ELP6: variants seen among roughly 807,000 people sequenced by gnomAD.
ELP6 encodes elongator acetyltransferase complex subunit 6.
In ELP6, 23 loss-of-function variants were observed where a neutral mutation model predicts 28.1. That is an observed-to-expected ratio of 0.82 (90% CI 0.59 to 1.16). The LOEUF is 1.16. Among genes scored for constraint, ELP6 ranks in the 50% most tolerant of loss-of-function variants. ELP6 has a pLI of 0.00. For synonymous variants in ELP6, 132 were observed against 135.8 expected, an observed-to-expected ratio of 0.97 and a Z score of 0.19; for missense variants, 313 against 334.6, an observed-to-expected ratio of 0.94 and a Z score of 0.50.
intron 3 of ELP6, among the ~76,000 whole-genome samples, chr3:47,504,998 G>A (rs1177827539): frequency 6.6e-6 from 1 of 152,114 alleles, no homozygotes; most frequent in Non-Finnish European, 1.5e-5. Context: ...CAGGCTTGGT[G>A]GCTCACGCCT....
At chr3:47,511,976 C>T (rs2108142460) in intron 1 of ELP6, 1 of 984,252 alleles carries the variant, frequency 1.0e-6, no homozygotes, top group Non-Finnish European at 1.2e-6. Flanking sequence ...ATCGTCAGAC[C>T]TTCAGTGTTA....
At chr3:47,503,655 C>T (rs1213908454) in intron 4 of ELP6, among the ~76,000 whole-genome samples, 1 of 152,062 alleles carries the variant, frequency 6.6e-6, no homozygotes, top group Admixed American at 6.6e-5. Context: ...GTAATCCCAG[C>T]ACTTTGGGAG....
rs1015596117 is a variant in ELP6, at chr3:47,495,809, C to A, written c.*260G>T. 8.0e-5 allele frequency: 36 copies of A among 452,392 alleles called. No individual in the cohort carries two copies. Among genetic ancestry groups the A allele is most frequent in the African/African-American group, 7.4e-4 (36 of 48,604 alleles). 28.0% of individuals were successfully genotyped at this position (452,392 alleles called of 1,614,324 possible). A position where few individuals can be genotyped will look rare whatever the true frequency, so the allele number is the denominator to read the frequency against. On this transcript the variant is annotated 3_prime_UTR_variant, in exon 7 of 7. Transcript: ENST00000296149. ...GCTAAGGCATATTTAAACAAAGGCT[C>A]CAAAGGACCCCTTTCACTTGGGTCT...
chr3:47,498,951 G>A (rs1353386347), intron 5 of ELP6, among the ~76,000 whole-genome samples: 2 of 152,234 alleles, frequency 1.3e-5, no homozygotes, highest in Non-Finnish European at 2.9e-5. Context: ...GTCAGGAGGT[G>A]AGCTCATGTG....
intron 6 of ELP6, chr3:47,496,703 C>T (rs1164083740): frequency 1.2e-6 from 1 of 832,124 alleles, no homozygotes; most frequent in Non-Finnish European, 1.4e-6. Flanking sequence ...CTATGTTGGC[C>T]AGGCTGGTCT....
chr3:47,510,072 A>T, intron 3 of ELP6, 112 bp downstream of exon 3: 1 of 863,846 alleles, frequency 1.2e-6, no homozygotes, highest in Non-Finnish European at 1.9e-6. Flanking sequence ...ATATTTCTTT[A>T]GTCCCTCTTT....
At position 47,504,428 on chromosome 3, in the gene ELP6, C is replaced by T. The variant is rs376336567; in HGVS notation, c.225G>A (p.Ala75=). Residue 75 remains alanine (A), a synonymous_variant, in exon 4 of 7, where the codon GCG becomes GCA. Transcript: ENST00000296149. ...GGAACACAAGCTGCCCACGCTCCCGCGCCATGGTCAGGCTGACACCCTAAA... is the reference window on the plus strand; with the variant it reads ...GGAACACAAGCTGCCCACGCTCCCGTGCCATGGTCAGGCTGACACCCTAAA... ...GQKLGVSLTM[A]RERGQLVFLE... The T allele has an allele frequency of 2.3e-5, 37 of 1,607,390 alleles. No individual in the cohort carries two copies. The highest frequency in any genetic ancestry group is 2.7e-5 in the Non-Finnish European group (32 of 1,176,334).
chr3:47,512,839 G>A, intron 1 of ELP6: 1 of 976,074 alleles, frequency 1.0e-6, no homozygotes, highest in Non-Finnish European at 1.2e-6. Context: ...CCATGAAGAC[G>A]GCGGCGAAAC....
chr3:47,511,302 G>T, intron 1 of ELP6, 76 bp from the exon 2 acceptor site: 1 of 1,537,200 alleles, frequency 6.5e-7, no homozygotes, highest in Non-Finnish European at 8.9e-7. Flanking sequence ...CTAGTCAATT[G>T]TGTCCACACC....
chr3:47,499,171 G>A (rs1708565038), intron 5 of ELP6, among the ~76,000 whole-genome samples: 1 of 152,186 alleles, frequency 6.6e-6, no homozygotes, highest in Non-Finnish European at 1.5e-5. Context: ...GAGCCAAGGA[G>A]TTCAATGCCA....
chr3:47,500,060 T>C (rs1022411076), intron 5 of ELP6: 107 of 1,272,660 alleles, frequency 8.4e-5, no homozygotes, highest in Non-Finnish European at 1.0e-4. Flanking sequence ...CAGAAAACCC[T>C]CATCCCAGAG....
intron 3 of ELP6, 65 bp from the exon 4 acceptor site, chr3:47,504,513 C>A: frequency 1.3e-6 from 2 of 1,500,924 alleles, no homozygotes; most frequent in East Asian, 2.4e-5. Context: ...TAGATGCCAG[C>A]TTGCAAGAGG....
At chr3:47,496,882 G>T in intron 6 of ELP6, 2 of 985,326 alleles carry the variant, frequency 2.0e-6, no homozygotes, top group Non-Finnish European at 2.4e-6. Context: ...TCACTACAGA[G>T]GCCCAGGAAG....
At chr3:47,508,976 G>C (rs1708931146) in intron 3 of ELP6, among the ~76,000 whole-genome samples, 1 of 152,134 alleles carries the variant, frequency 6.6e-6, no homozygotes. Context: ...GTGTTAGCCA[G>C]GATGGTCTCC....
At chr3:47,507,538 G>A (rs1195478322) in intron 3 of ELP6, among the ~76,000 whole-genome samples, 2 of 144,970 alleles carry the variant, frequency 1.4e-5, no homozygotes, top group Admixed American at 1.4e-4. Context: ...CCTCACACCT[G>A]TAATCCCAGC....
At chr3:47,512,107 C>A (rs1709032318) in intron 1 of ELP6, 1 of 982,846 alleles carries the variant, frequency 1.0e-6, no homozygotes, top group Non-Finnish European at 1.2e-6. Context: ...TGGACAAGAA[C>A]TGCCTGGCAA....
intron 6 of ELP6, chr3:47,496,432 A>AG (rs1202694964): frequency 1.0e-6 from 1 of 985,044 alleles, no homozygotes; most frequent in Non-Finnish European, 1.2e-6. Flanking sequence ...AATGTGAAAG[A>AG]GGAAAAAAAA....
intron 4 of ELP6, among the ~76,000 whole-genome samples, chr3:47,503,878 G>A (rs1401898379): frequency 6.6e-6 from 1 of 151,992 alleles, no homozygotes; most frequent in East Asian, 1.9e-4. Context: ...GTGACAGAGC[G>A]AGACTCCATC....
chr3:47,501,983 T>C lies in ELP6; in HGVS notation c.324-132A>G, dbSNP rs111375032. The stretch of plus-strand genomic sequence containing the variant: ...ACAATTCTTGGCAACAAAGACTTCA[T>C]GATCTGGTTAGAAAGAAAAGGCATG... On this transcript the variant is annotated intron_variant, in intron 4 of 6. Transcript: ENST00000296149. 960 of 836,242 alleles carry C rather than the reference T, an allele frequency of 1.1e-3. 5 individuals carry two copies. The African/African-American group carries it at 0.014, about 12-fold the overall frequency. The allele number at this position is 836,242 out of a possible 1,614,324, so 51.8% of individuals were successfully genotyped here. A position where few individuals can be genotyped will look rare whatever the true frequency, so the allele number is the denominator to read the frequency against.
Sources: allele counts gnomAD v4.1 joint callset (sites outside exome capture counted in the v4.1 genomes callset), GRCh38; gene constraint gnomAD v4.1.1; transcripts MANE v1.5; gene names NCBI Gene and HGNC (gene_info 2026-07-23, HGNC 2026-07-21).